VSIG10: variants seen among roughly 807,000 people sequenced by gnomAD.
VSIG10 encodes the protein V-set and immunoglobulin domain-containing protein 10.
A neutral mutation model predicts 58.7 loss-of-function variants in VSIG10; 48 were observed. That is an observed-to-expected ratio of 0.82 (90% CI 0.65 to 1.04). The LOEUF is 1.04. Among genes scored for constraint, VSIG10 ranks in the 50% least tolerant of loss-of-function variants. The pLI is 0.00. For synonymous variants in VSIG10, 260 were observed against 267.1 expected (o/e 0.97, Z 0.26); for missense variants, 628 against 670.0 (o/e 0.94, Z 0.69).
At chr12:118,102,218 C>T (rs1435916141) in intron 1 of VSIG10, 1 of 152,276 alleles carries the variant, frequency 6.6e-6, no homozygotes, top group Non-Finnish European at 1.5e-5. Context: ...CAGGGTTCTT[C>T]TCACTTCCCA....
intron 1 of VSIG10, among the ~76,000 whole-genome samples, chr12:118,101,420 T>C (rs1200216634): frequency 6.6e-6 from 1 of 152,172 alleles, no homozygotes; most frequent in East Asian, 1.9e-4. Context: ...TCAGGTCACG[T>C]TACTCTGGTC....
At chr12:118,092,259 C>T (rs2033321252) in intron 2 of VSIG10, among the ~76,000 whole-genome samples, 1 of 152,098 alleles carries the variant, frequency 6.6e-6, no homozygotes, top group African/African-American at 2.4e-5. Flanking sequence ...GAGATGGGGT[C>T]TCACTACATT....
Position 118,103,602 on chromosome 12 carries a change from C to G in VSIG10, c.70G>C (p.Val24Leu). 6.6e-7 allele frequency: 1 copy of G among 1,521,564 alleles called. No individual in the cohort carries two copies. Among genetic ancestry groups the G allele is most frequent in the South Asian group, 1.2e-5 (1 of 82,488 alleles). 94.3% of individuals were successfully genotyped at this position (1,521,564 alleles called of 1,614,324 possible). A position where few individuals can be genotyped will look rare whatever the true frequency, so the allele number is the denominator to read the frequency against. The change falls in exon 1 of 9, where the codon GTC (valine) becomes CTC (leucine). Residue 24 changes from valine to leucine, a missense_variant. By Grantham distance (32) the Val-to-Leu change is conservative (BLOSUM62 1). Transcript: ENST00000359236. ...GATCGCGGCCCCTTACCTACGGCGA[C>G]CCAGCCGGCCAGGAGCGCCCCGAGG... ...VCLGALLAGW[V>L]AVGLEAVVIG... is the part of the protein sequence containing the mutation.
chr12:118,096,406 C>T (rs1454171322), intron 1 of VSIG10, among the ~76,000 whole-genome samples: 1 of 151,544 alleles, frequency 6.6e-6, no homozygotes, highest in African/African-American at 2.4e-5. Flanking sequence ...TGCAAAAACC[C>T]TGTCTCTACT....
rs961846177 is a variant in VSIG10, at chr12:118,063,690, G to C, written c.*2949C>G. ...ACCTCCCCCCACCACATCTTAAAAT[G>C]TAAATAATGGAGAAGGAGCTGCTTA... On this transcript the variant is annotated 3_prime_UTR_variant, in exon 9 of 9. Transcript: ENST00000359236. 1 of 152,152 alleles carries C rather than the reference G, an allele frequency of 6.6e-6. No individual in the cohort carries two copies. Among genetic ancestry groups the C allele is most frequent in the Non-Finnish European group, 1.5e-5 (1 of 68,036 alleles). 9.4% of individuals were successfully genotyped at this position (152,152 alleles called of 1,614,324 possible).
At chr12:118,071,545 G>A (rs566347851) in intron 5 of VSIG10, 76 bp from the exon 6 acceptor site, 58 of 1,312,610 alleles carry the variant, frequency 4.4e-5, no homozygotes, top group Admixed American at 1.9e-4. Context: ...CTTTCTCTGC[G>A]TGGATCCAGT....
Position 118,073,768 on chromosome 12 carries a change from C to CCTCAT in VSIG10, c.1145_1149dup (p.Gly384MetfsTer13). On this transcript the variant is annotated frameshift_variant, in exon 5 of 9. Coordinates refer to ENST00000359236, the MANE Select transcript of VSIG10 (RefSeq NM_019086.6). LOFTEE classifies it high-confidence loss of function. ...CTGTCAGCTCGGCAGATGTAGTAGC[C>CCTCAT]CTCATCCAGGTCCTGGGAGCAGTTG... 1 of 1,614,004 alleles carries CCTCAT rather than the reference C, an allele frequency of 6.2e-7. No homozygotes were observed. The highest frequency in any genetic ancestry group is 1.1e-5 in the South Asian group (1 of 91,084).
At chr12:118,069,952 C>T (rs1347304014) in intron 7 of VSIG10, among the ~76,000 whole-genome samples, 1 of 152,118 alleles carries the variant, frequency 6.6e-6, no homozygotes, top group Admixed American at 6.5e-5. Flanking sequence ...TCCTACTACA[C>T]CACACTGATG....
At chr12:118,103,505 G>A (rs768487081) in intron 1 of VSIG10, 88 bp downstream of exon 1, 2 of 1,319,160 alleles carry the variant, frequency 1.5e-6, no homozygotes, top group Non-Finnish European at 2.0e-6. Flanking sequence ...GATCCGGGCG[G>A]AGTCGGAGGG....
chr12:118,080,698 G>A (rs934497862), intron 3 of VSIG10, among the ~76,000 whole-genome samples: 2 of 152,132 alleles, frequency 1.3e-5, no homozygotes, highest in African/African-American at 2.4e-5. Context: ...GCCATTAAAA[G>A]GAATGGATTA....
chr12:118,065,477 C>CA lies in VSIG10; in HGVS notation c.*1161dup, dbSNP rs1186871601. On this transcript the variant is annotated 3_prime_UTR_variant, in exon 9 of 9. Transcript: ENST00000359236. Reference sequence around the variant, plus strand: ...TCCAGGGAAATAAAACTGGTTAAGACAGTGCTCTGATATGCTTAGTTTAGT... The same window carrying CA: ...TCCAGGGAAATAAAACTGGTTAAGACAAGTGCTCTGATATGCTTAGTTTAGT... 7 of 152,350 alleles carry CA rather than the reference C, an allele frequency of 4.6e-5. No individual in the cohort carries two copies. In the East Asian group the frequency reaches 1.3e-3, roughly 29 times the overall value. 9.4% of individuals were successfully genotyped at this position (152,350 alleles called of 1,614,324 possible). A position where few individuals can be genotyped will look rare whatever the true frequency, so the allele number is the denominator to read the frequency against.
At chr12:118,083,050 T>A (rs1592872130) in intron 2 of VSIG10, among the ~76,000 whole-genome samples, 2 of 133,900 alleles carry the variant, frequency 1.5e-5, no homozygotes, top group Admixed American at 1.8e-4. Flanking sequence ...GAGATGGATG[T>A]TGTAGGGAGC....
chr12:118,071,545 G>T (rs566347851), intron 5 of VSIG10, 76 bp from the exon 6 acceptor site: 2 of 1,312,608 alleles, frequency 1.5e-6, no homozygotes, highest in African/African-American at 2.9e-5. Flanking sequence ...CTTTCTCTGC[G>T]TGGATCCAGT....
intron 1 of VSIG10, among the ~76,000 whole-genome samples, chr12:118,096,745 C>T (rs987245433): frequency 2.1e-5 from 3 of 145,268 alleles, no homozygotes; most frequent in African/African-American, 5.0e-5. Context: ...GATGCAATAA[C>T]ACATACAGAG....
At chr12:118,075,068 TAAG>T (rs1396181780) in intron 4 of VSIG10, among the ~76,000 whole-genome samples, 2 of 150,522 alleles carry the variant, frequency 1.3e-5, no homozygotes, top group Non-Finnish European at 3.0e-5. Context: ...TATTTATGTA[TAAG>T]AAAAAGCATA....
At chr12:118,081,505 G>A (rs114476529) in intron 3 of VSIG10, among the ~76,000 whole-genome samples, 2,048 of 151,762 alleles carry the variant, frequency 0.013, 42 homozygotes, top group African/African-American at 0.046. Context: ...ATTGCTAAAT[G>A]GTTAATCCTA....
At chr12:118,079,732 A>G in intron 3 of VSIG10, 126 bp from the exon 4 acceptor site, 2 of 1,320,898 alleles carry the variant, frequency 1.5e-6, no homozygotes, top group Non-Finnish European at 2.1e-6. Flanking sequence ...TTAGCATCTA[A>G]TAGCTCCTAG....
At chr12:118,067,172 A>C (rs569884622) in intron 8 of VSIG10, among the ~76,000 whole-genome samples, 1 of 151,498 alleles carries the variant, frequency 6.6e-6, no homozygotes, top group African/African-American at 2.4e-5. Context: ...CTACAGGTAC[A>C]TGCCACACAC....
intron 2 of VSIG10, among the ~76,000 whole-genome samples, chr12:118,089,857 G>C (rs1261369225): frequency 6.6e-6 from 1 of 151,992 alleles, no homozygotes; most frequent in African/African-American, 2.4e-5. Flanking sequence ...GGCCACTGTC[G>C]CCACCCTGTC....
Sources: gnomAD v4.1 joint callset for allele counts (sites outside exome capture counted in the v4.1 genomes callset) on GRCh38, gnomAD v4.1.1 for gene constraint, MANE v1.5 for transcripts, NCBI Gene and HGNC (gene_info 2026-07-23, HGNC 2026-07-21) for gene names.